Variants in AKAP19 observed in about 807,000 individuals in gnomAD.
The protein encoded by AKAP19 is A-kinase anchoring protein 19.
the AKAP19 span, among the ~76,000 whole-genome samples, chr2:189,979,185 T>A: frequency 6.6e-6 from 1 of 152,174 alleles, no homozygotes; most frequent in African/African-American, 2.4e-5. Context: ...CAATCTATAC[T>A]ACAAGGCTAT....
At chr2:190,017,057 A>T in the AKAP19 span, among the ~76,000 whole-genome samples, 1 of 152,106 alleles carries the variant, frequency 6.6e-6, no homozygotes, top group African/African-American at 2.4e-5. Flanking sequence ...CTCTTCTTAC[A>T]GTTTGACTTG....
chr2:190,072,459 A>G, the AKAP19 span, among the ~76,000 whole-genome samples: 1 of 152,334 alleles, frequency 6.6e-6, no homozygotes, highest in Non-Finnish European at 1.5e-5. Context: ...AATTCACTTC[A>G]TGGATCAAAC....
chr2:189,937,445 C>T, the AKAP19 span, among the ~76,000 whole-genome samples: 1 of 125,170 alleles, frequency 8.0e-6, no homozygotes, highest in Non-Finnish European at 1.8e-5. Context: ...TCACAGAAAA[C>T]CACAAACAAG....
the AKAP19 span, among the ~76,000 whole-genome samples, chr2:189,919,481 G>A: frequency 1.3e-5 from 2 of 150,916 alleles, no homozygotes; most frequent in Non-Finnish European, 2.9e-5. Flanking sequence ...TGTTACATAG[G>A]TATAGGAGTG....
At chr2:190,086,125 A>G in the AKAP19 span, among the ~76,000 whole-genome samples, 1 of 152,362 alleles carries the variant, frequency 6.6e-6, no homozygotes, top group East Asian at 1.9e-4. Context: ...AAAGAAATCT[A>G]TCACATAGTA....
At chr2:189,928,979 A>G in the AKAP19 span, among the ~76,000 whole-genome samples, 1 of 152,148 alleles carries the variant, frequency 6.6e-6, no homozygotes, top group Non-Finnish European at 1.5e-5. Context: ...AAACATTACT[A>G]CTATGTCTTT....
the AKAP19 span, among the ~76,000 whole-genome samples, chr2:189,969,390 G>T: frequency 2.0e-5 from 3 of 152,152 alleles, no homozygotes; most frequent in Non-Finnish European, 4.4e-5. Context: ...AGAAATGTTT[G>T]TTGTTTGTGA....
chr2:190,032,662 A>G, the AKAP19 span, among the ~76,000 whole-genome samples: 1 of 151,762 alleles, frequency 6.6e-6, no homozygotes, highest in South Asian at 2.1e-4. Flanking sequence ...TACTCCTAAA[A>G]TTGACCATCT....
At chr2:189,993,203 T>C in the AKAP19 span, among the ~76,000 whole-genome samples, 2 of 152,206 alleles carry the variant, frequency 1.3e-5, no homozygotes, top group Non-Finnish European at 2.9e-5. Context: ...TATGCGGATT[T>C]TGCTGAGGGT....
chr2:189,917,250 C>A, the AKAP19 span: 1 of 1,242,092 alleles, frequency 8.1e-7, no homozygotes, highest in South Asian at 1.4e-5. Context: ...CTTTTACAAA[C>A]ACTGTCTTCG....
chr2:190,172,891 T>C, the AKAP19 span, among the ~76,000 whole-genome samples: 20 of 152,250 alleles, frequency 1.3e-4, no homozygotes, highest in East Asian at 3.9e-3. Context: ...GGCGTGCCGA[T>C]CACCTGAGGT....
At chr2:189,979,650 A>G in the AKAP19 span, among the ~76,000 whole-genome samples, 1 of 152,182 alleles carries the variant, frequency 6.6e-6, no homozygotes, top group Non-Finnish European at 1.5e-5. Flanking sequence ...ACAGAATGGG[A>G]GAAAATATTT....
chr2:190,164,310 G>A, the AKAP19 span, among the ~76,000 whole-genome samples: 5 of 152,148 alleles, frequency 3.3e-5, no homozygotes, highest in Admixed American at 1.3e-4. Context: ...TGAGGTGGGC[G>A]GATCACTTGA....
the AKAP19 span, chr2:190,091,046 A>AT: frequency 6.6e-6 from 1 of 152,192 alleles, no homozygotes; most frequent in Non-Finnish European, 1.5e-5. Flanking sequence ...AGACTTTGAT[A>AT]TTTTTACTGT....
At chr2:189,989,749 C>T in the AKAP19 span, among the ~76,000 whole-genome samples, 10 of 151,950 alleles carry the variant, frequency 6.6e-5, no homozygotes, top group Admixed American at 1.3e-4. Flanking sequence ...CTCAAAGAAT[C>T]CTCAAAAAAG....
chr2:190,171,572 T>A, the AKAP19 span, among the ~76,000 whole-genome samples: 1 of 152,246 alleles, frequency 6.6e-6, no homozygotes, highest in African/African-American at 2.4e-5. Flanking sequence ...CTTGCTTTAC[T>A]GAGCACTGAC....
At chr2:190,016,759 A>G in the AKAP19 span, among the ~76,000 whole-genome samples, 100 of 152,300 alleles carry the variant, frequency 6.6e-4, no homozygotes, top group African/African-American at 2.3e-3. Context: ...TGTATATTTC[A>G]ATGCAGTTGA....
the AKAP19 span, among the ~76,000 whole-genome samples, chr2:189,901,014 C>T: frequency 1.2e-4 from 18 of 152,140 alleles, no homozygotes; most frequent in South Asian, 4.1e-4. Flanking sequence ...GTTATTTGCA[C>T]GGGAGGTCTG....
chr2:190,013,741 A>G, the AKAP19 span, among the ~76,000 whole-genome samples: 1 of 151,828 alleles, frequency 6.6e-6, no homozygotes, highest in African/African-American at 2.4e-5. Context: ...GATGGTCTCA[A>G]TCTCCTGACC....
Sources: gnomAD v4.1 joint callset for allele counts (sites outside exome capture counted in the v4.1 genomes callset) on GRCh38, gnomAD v4.1.1 for gene constraint, MANE v1.5 for transcripts, NCBI Gene and HGNC (gene_info 2026-07-23, HGNC 2026-07-21) for gene names.